The following GPHN variants were observed in gnomAD, a reference collection of about 807,000 sequenced individuals.
GPHN encodes gephyrin.
GPHN carries 17 observed loss-of-function variants against 95.5 expected under a neutral mutation model. The ratio of observed to expected loss-of-function variants is 0.18; its 90% CI spans 0.12 to 0.27. GPHN has a LOEUF of 0.27. Among genes scored for constraint, GPHN ranks in the 10% least tolerant of loss-of-function variants. The pLI is 1.00. For missense variants in GPHN, 660 were observed against 978.1 expected (o/e 0.67, Z 4.34); for synonymous variants, 320 against 322.5 (o/e 0.99, Z 0.08).
At chr14:67,131,938 G>T (rs1459513676) in intron 17 of GPHN, among the ~76,000 whole-genome samples, 1 of 152,038 alleles carries the variant, frequency 6.6e-6, no homozygotes, top group East Asian at 1.9e-4. Context: ...AGCCTTTCAA[G>T]GCCTGAAGGA....
chr14:67,229,660 A>G, the GPHN span, among the ~76,000 whole-genome samples: 2 of 152,200 alleles, frequency 1.3e-5, no homozygotes, highest in Non-Finnish European at 2.9e-5. Flanking sequence ...TTGAGAAAAA[A>G]AGAATGTAAA....
At chr14:67,132,492 A>G (rs901587128) in intron 17 of GPHN, among the ~76,000 whole-genome samples, 4 of 151,934 alleles carry the variant, frequency 2.6e-5, no homozygotes, top group Non-Finnish European at 5.9e-5. Flanking sequence ...TACTCCTAGC[A>G]AGCTGGGATA....
At chr14:67,623,534 C>CTTTTTTTTTTTT in the GPHN span, among the ~76,000 whole-genome samples, 2 of 82,924 alleles carry the variant, frequency 2.4e-5, no homozygotes, top group African/African-American at 4.9e-5. Flanking sequence ...CTCAGGTAAC[C>CTTTTTTTTTTTT]TTTTTTTTTT....
chr14:66,766,049 G>C (rs1447900505), intron 2 of GPHN, among the ~76,000 whole-genome samples: 1 of 152,118 alleles, frequency 6.6e-6, no homozygotes, highest in African/African-American at 2.4e-5. Flanking sequence ...AATGGTTCTT[G>C]GGAGAACAGA....
chr14:67,713,030 T>C, the GPHN span, among the ~76,000 whole-genome samples: 9 of 151,980 alleles, frequency 5.9e-5, no homozygotes, highest in Non-Finnish European at 1.3e-4. Context: ...TTGGATAGAA[T>C]TGATGAAACC....
At position 67,115,241 on chromosome 14, in the gene GPHN, TA is replaced by T. The variant is rs140697873; in HGVS notation, c.1626+2080del. Among the ~76,000 whole-genome samples, 353 of 144,190 alleles carry T rather than the reference TA, an allele frequency of 2.4e-3. 2 individuals carry two copies. Among genetic ancestry groups the T allele is most frequent in the Admixed American group, 4.3e-3 (62 of 14,458 alleles). The allele number at this position is 144,190 out of a possible 152,430, so 94.6% of individuals were successfully genotyped here. On this transcript the variant is annotated intron_variant, in intron 16 of 22. Coordinates refer to ENST00000478722, the MANE Select transcript of GPHN (RefSeq NM_020806.5). ...CAGGCACTTTACTGGAAATTGGTGATAAAAAAAAAAGAGATAAATAAAGCAT... is the reference window on the plus strand; with the variant it reads ...CAGGCACTTTACTGGAAATTGGTGATAAAAAAAAAGAGATAAATAAAGCAT...
chr14:67,035,585 G>A (rs1007595193), intron 10 of GPHN, among the ~76,000 whole-genome samples: 2 of 151,768 alleles, frequency 1.3e-5, no homozygotes, highest in Non-Finnish European at 3.0e-5. Flanking sequence ...ATAAGAGACT[G>A]CTATATACAA....
intron 1 of GPHN, among the ~76,000 whole-genome samples, chr14:66,530,953 AT>A (rs569763873): frequency 0.015 from 1,855 of 121,128 alleles, 17 homozygotes; most frequent in African/African-American, 0.031. Context: ...TGTTTGTTAG[AT>A]TTTTTTTTTT....
At chr14:67,293,618 G>A in the GPHN span, among the ~76,000 whole-genome samples, 6 of 151,970 alleles carry the variant, frequency 3.9e-5, no homozygotes, top group Non-Finnish European at 7.4e-5. Context: ...CTTTTCTTAC[G>A]GAGATTGAAA....
Position 66,683,357 on chromosome 14 carries a change from T to C in GPHN, c.143+2172T>C, listed in dbSNP as rs370443988. 1.9e-4 allele frequency among the ~76,000 whole-genome samples: 6 copies of C among 32,076 alleles called. No individual in the cohort carries two copies. In the East Asian group the frequency reaches 2.7e-3, roughly 15 times the overall value. 21.0% of individuals were successfully genotyped at this position (32,076 alleles called of 152,430 possible). ...ATATATATATATATATATATATATATATATATATATATATATATATATGTT... is the reference window on the plus strand; with the variant it reads ...ATATATATATATATATATATATATACATATATATATATATATATATATGTT... On this transcript the variant is annotated intron_variant, in intron 2 of 22. Transcript: ENST00000478722.
chr14:67,225,165 C>T, the GPHN span: 4 of 1,583,636 alleles, frequency 2.5e-6, no homozygotes, highest in African/African-American at 5.4e-5. Flanking sequence ...CAAACTTGTG[C>T]CTCATCTGTC....
At chr14:66,642,378 G>T (rs990018158) in intron 1 of GPHN, among the ~76,000 whole-genome samples, 2 of 151,880 alleles carry the variant, frequency 1.3e-5, no homozygotes, top group Non-Finnish European at 2.9e-5. Context: ...GAGATTTAAG[G>T]GCCTATGTAA....
the GPHN span, chr14:67,582,244 T>C: frequency 6.2e-7 from 1 of 1,612,956 alleles, no homozygotes; most frequent in Non-Finnish European, 8.5e-7. The surrounding 1 kb of genome is among the most constrained non-coding windows in gnomAD (Gnocchi z 5.0). Flanking sequence ...GAGGGTCGGG[T>C]TGCCAGCTTA....
At chr14:66,995,675 A>G (rs548047887) in intron 9 of GPHN, among the ~76,000 whole-genome samples, 1 of 152,342 alleles carries the variant, frequency 6.6e-6, no homozygotes, top group African/African-American at 2.4e-5. Flanking sequence ...TTCTACTGTC[A>G]TCTTTCTTCA....
the GPHN span, among the ~76,000 whole-genome samples, chr14:67,402,136 A>C: frequency 6.6e-6 from 1 of 152,180 alleles, no homozygotes; most frequent in Non-Finnish European, 1.5e-5. Flanking sequence ...TCCATCTCAA[A>C]CAACAACAAC....
chr14:66,655,559 CTCCTTCTTT>C (rs2065257559), intron 1 of GPHN, among the ~76,000 whole-genome samples: 1 of 151,986 alleles, frequency 6.6e-6, no homozygotes, highest in African/African-American at 2.4e-5. Context: ...GACAGTTTAT[CTCCTTCTTT>C]CCAGTCTGTT....
At chr14:66,632,792 C>G (rs1242607526) in intron 1 of GPHN, among the ~76,000 whole-genome samples, 1 of 152,070 alleles carries the variant, frequency 6.6e-6, no homozygotes, top group African/African-American at 2.4e-5. Flanking sequence ...CACCCGGCCC[C>G]TTATAATACA....
chr14:67,496,393 T>TTTG, the GPHN span, among the ~76,000 whole-genome samples: 1 of 58,142 alleles, frequency 1.7e-5, no homozygotes, highest in African/African-American at 8.9e-5. Context: ...GCTCCGGCGT[T>TTTG]TTTTTTTTTT....
chr14:66,553,724 G>T (rs1331797267), intron 1 of GPHN, among the ~76,000 whole-genome samples: 1 of 152,028 alleles, frequency 6.6e-6, no homozygotes, highest in Admixed American at 6.6e-5. Flanking sequence ...CTACAGGCAT[G>T]GGCCACCACG....
Sources: gnomAD v4.1 joint callset for allele counts (sites outside exome capture counted in the v4.1 genomes callset) on GRCh38, gnomAD v4.1.1 for gene constraint, Gnocchi (gnomAD v3.1) non-coding constraint, MANE v1.5 for transcripts, NCBI Gene and HGNC (gene_info 2026-07-23, HGNC 2026-07-21) for gene names.